The following MDFIC2 variants were observed in gnomAD, a reference collection of about 807,000 sequenced individuals.
The protein encoded by MDFIC2 is MyoD family inhibitor domain containing 2.
intron 2 of MDFIC2, among the ~76,000 whole-genome samples, chr3:70,286,399 T>C (rs2106687504): frequency 6.6e-6 from 1 of 152,160 alleles, no homozygotes; most frequent in Admixed American, 6.5e-5. Flanking sequence ...GAGGGCTCTG[T>C]TCTGTTCCAT....
chr3:70,233,951 C>T (rs913009584), intron 2 of MDFIC2, among the ~76,000 whole-genome samples: 1 of 152,094 alleles, frequency 6.6e-6, no homozygotes, highest in Non-Finnish European at 1.5e-5. Context: ...TATGAAAATT[C>T]CCGTGCAAGT....
chr3:70,279,476 AC>A (rs1379542168), intron 2 of MDFIC2, among the ~76,000 whole-genome samples: 17 of 152,042 alleles, frequency 1.1e-4, no homozygotes, highest in African/African-American at 4.1e-4. Context: ...CATCCCCTGT[AC>A]CACACACAAA....
At chr3:70,291,380 A>G (rs1307671669) in intron 2 of MDFIC2, 2 of 152,204 alleles carry the variant, frequency 1.3e-5, no homozygotes, top group Non-Finnish European at 2.9e-5. Flanking sequence ...GAATACTGTT[A>G]TCATTACGAT....
intron 2 of MDFIC2, among the ~76,000 whole-genome samples, chr3:70,269,590 G>T (rs1256454111): frequency 6.6e-6 from 1 of 152,076 alleles, no homozygotes; most frequent in Admixed American, 6.6e-5. Context: ...TTGGTTCAGG[G>T]GCTGCCCAGT....
intron 2 of MDFIC2, among the ~76,000 whole-genome samples, chr3:70,261,763 C>T (rs1294982129): frequency 1.3e-5 from 2 of 152,120 alleles, no homozygotes; most frequent in Non-Finnish European, 2.9e-5. Flanking sequence ...AGGAGGAAAG[C>T]CTTAACCTCA....
At chr3:70,222,175 C>T (rs1337916423) in intron 2 of MDFIC2, among the ~76,000 whole-genome samples, 1 of 152,156 alleles carries the variant, frequency 6.6e-6, no homozygotes, top group South Asian at 2.1e-4. Context: ...CTGCTGGTCT[C>T]TTTCTCTGAA....
At chr3:70,203,514 G>T (rs1701260994) in intron 3 of MDFIC2, among the ~76,000 whole-genome samples, 1 of 152,092 alleles carries the variant, frequency 6.6e-6, no homozygotes, top group South Asian at 2.1e-4. Flanking sequence ...CAGTTCTTTA[G>T]AACTAGAATG....
chr3:70,246,524 A>G (rs1701709512), intron 2 of MDFIC2, among the ~76,000 whole-genome samples: 1 of 152,106 alleles, frequency 6.6e-6, no homozygotes, highest in African/African-American at 2.4e-5. Flanking sequence ...AAACAGAAAC[A>G]CGAGATGCAC....
intron 3 of MDFIC2, among the ~76,000 whole-genome samples, chr3:70,201,025 T>A (rs1466553744): frequency 6.8e-6 from 1 of 147,996 alleles, no homozygotes; most frequent in Non-Finnish European, 1.5e-5. Flanking sequence ...GTTTTGTAAC[T>A]TTTTTTTTTT....
At chr3:70,211,534 GC>G (rs1701348672) in intron 2 of MDFIC2, among the ~76,000 whole-genome samples, 1 of 17,524 alleles carries the variant, frequency 5.7e-5, no homozygotes, top group East Asian at 2.2e-3. Context: ...CCTTCCCTTT[GC>G]CCTTCCCTTC....
At chr3:70,271,426 G>C (rs1453792364) in intron 2 of MDFIC2, among the ~76,000 whole-genome samples, 1 of 152,184 alleles carries the variant, frequency 6.6e-6, no homozygotes, top group Non-Finnish European at 1.5e-5. Context: ...TGCAGATTCA[G>C]TATCATCAAA....
chr3:70,235,722 CA>C (rs1160441571), intron 2 of MDFIC2, among the ~76,000 whole-genome samples: 40 of 152,212 alleles, frequency 2.6e-4, no homozygotes, highest in Non-Finnish European at 1.5e-5. Flanking sequence ...AGTTGGCATT[CA>C]AATCAGGCCA....
At chr3:70,292,879 A>G (rs551116315) in intron 2 of MDFIC2, among the ~76,000 whole-genome samples, 4 of 152,126 alleles carry the variant, frequency 2.6e-5, no homozygotes, top group African/African-American at 9.6e-5. Flanking sequence ...ATACTATATA[A>G]TGAACTTTCA....
At chr3:70,291,840 C>G (rs1702242401) in intron 2 of MDFIC2, 2 of 152,170 alleles carry the variant, frequency 1.3e-5, no homozygotes, top group African/African-American at 4.8e-5. Context: ...GATGTGCTGT[C>G]TGGTGATCTT....
intron 2 of MDFIC2, among the ~76,000 whole-genome samples, chr3:70,261,201 G>C (rs982988148): frequency 2.6e-5 from 4 of 152,138 alleles, no homozygotes; most frequent in Admixed American, 6.6e-5. Flanking sequence ...AAGACATTTG[G>C]TGGTCAAAGC....
chr3:70,201,655 A>G (rs2106720466), intron 3 of MDFIC2, among the ~76,000 whole-genome samples: 1 of 152,120 alleles, frequency 6.6e-6, no homozygotes, highest in African/African-American at 2.4e-5. Flanking sequence ...AACCAGACTG[A>G]CTCCTCCACA....
intron 2 of MDFIC2, among the ~76,000 whole-genome samples, chr3:70,228,834 C>T (rs1209270033): frequency 6.6e-6 from 1 of 151,646 alleles, no homozygotes; most frequent in African/African-American, 2.4e-5. Context: ...CCTCAAAATT[C>T]CTTAATTCCT....
At chr3:70,198,408 G>T (rs1390150436) in intron 3 of MDFIC2, among the ~76,000 whole-genome samples, 1 of 152,050 alleles carries the variant, frequency 6.6e-6, no homozygotes, top group Non-Finnish European at 1.5e-5. Context: ...TTATTTTCCA[G>T]AAAGCTCTTT....
chr3:70,194,917 G>A lies in MDFIC2; in HGVS notation c.*2009C>T, dbSNP rs1701161609. ...GTGGGTGCTCAGAGAGGAGCCAAGA[G>A]GGATGGGACATAAGGAAGCACTAGG... On this transcript the variant is annotated 3_prime_UTR_variant, in exon 4 of 4. Coordinates refer to ENST00000567252, the MANE Select transcript of MDFIC2 (RefSeq NM_001364677.1). Among the ~76,000 whole-genome samples the A allele has an allele frequency of 6.6e-6, 1 of 152,152 alleles. No individual in the cohort carries two copies. The highest frequency in any genetic ancestry group is 2.4e-5 in the African/African-American group (1 of 41,444).
Sources: allele counts gnomAD v4.1 joint callset (sites outside exome capture counted in the v4.1 genomes callset), GRCh38; gene constraint gnomAD v4.1.1; transcripts MANE v1.5; gene names NCBI Gene and HGNC (gene_info 2026-07-23, HGNC 2026-07-21).